Variants in ZMAT4 observed in about 807,000 individuals in gnomAD.
ZMAT4 encodes zinc finger matrin-type protein 4.
A neutral mutation model predicts 28.7 loss-of-function variants in ZMAT4; 17 were observed. The ratio of observed to expected loss-of-function variants is 0.59; its 90% CI spans 0.41 to 0.89. The LOEUF (loss-of-function observed/expected upper bound fraction) is 0.89, where lower values mean the gene tolerates loss of function less well. Ranked by LOEUF, ZMAT4 falls within the 40% of genes least tolerant of loss-of-function variation. The pLI is 0.00. For missense variants in ZMAT4, 240 were observed against 283.8 expected (o/e 0.85, Z 1.11); for synonymous variants, 117 against 109.2 (o/e 1.07, Z -0.44).
At chr8:40,658,349 A>G (rs375861796) in intron 5 of ZMAT4, among the ~76,000 whole-genome samples, 1 of 152,156 alleles carries the variant, frequency 6.6e-6, no homozygotes, top group Non-Finnish European at 1.5e-5. Context: ...CATTGTATAA[A>G]CTTTGGATTC....
intron 4 of ZMAT4, among the ~76,000 whole-genome samples, chr8:40,686,509 C>T (rs1809414188): frequency 6.6e-6 from 1 of 152,046 alleles, no homozygotes; most frequent in Non-Finnish European, 1.5e-5. Flanking sequence ...TGATGCACGT[C>T]TGTAGTCCCT....
intron 1 of ZMAT4, among the ~76,000 whole-genome samples, chr8:40,840,432 C>G (rs887157573): frequency 6.6e-6 from 1 of 152,176 alleles, no homozygotes; most frequent in Admixed American, 6.5e-5. Flanking sequence ...CCACAGATAT[C>G]CCTCCCAAGA....
At chr8:40,776,590 C>T (rs1293345831) in intron 2 of ZMAT4, among the ~76,000 whole-genome samples, 2 of 152,118 alleles carry the variant, frequency 1.3e-5, no homozygotes, top group South Asian at 2.1e-4. Context: ...AGAACACAGG[C>T]TCATCTAGGC....
At chr8:40,533,584 A>T (rs995347902) in intron 6 of ZMAT4, among the ~76,000 whole-genome samples, 5 of 152,242 alleles carry the variant, frequency 3.3e-5, no homozygotes, top group Non-Finnish European at 7.3e-5. Flanking sequence ...TCACCTAGAA[A>T]CACAGAGCAT....
intron 3 of ZMAT4, among the ~76,000 whole-genome samples, chr8:40,701,180 A>G (rs1810128415): frequency 1.3e-5 from 2 of 152,212 alleles, no homozygotes; most frequent in East Asian, 1.9e-4. Flanking sequence ...GGTAGTTTTA[A>G]TATATATTCC....
chr8:40,549,724 CACTA>C (rs545846575), intron 6 of ZMAT4, among the ~76,000 whole-genome samples: 91 of 152,238 alleles, frequency 6.0e-4, no homozygotes, highest in Non-Finnish European at 9.3e-4. Flanking sequence ...CTAATATGTC[CACTA>C]ACTGATTTAT....
intron 3 of ZMAT4, among the ~76,000 whole-genome samples, chr8:40,711,794 C>A (rs973596989): frequency 6.6e-6 from 1 of 152,130 alleles, no homozygotes; most frequent in African/African-American, 2.4e-5. Context: ...ATAGTGGTTA[C>A]TTCTGTGGAA....
In ZMAT4 at chr8:40,542,959, G is replaced by A. The variant is rs149479372; in HGVS notation, c.675-10721C>T. Among the ~76,000 whole-genome samples, 1,301 of 152,298 alleles carry A rather than the reference G, an allele frequency of 8.5e-3. 10 individuals carry two copies. The highest frequency in any genetic ancestry group is 0.014 in the Non-Finnish European group (977 of 68,008). ...GCTGAATGCCTGTGGCCTGGCCAAC[G>A]TCATTGCAGCAGAGATGGGCTCACG... is the stretch of plus-strand genomic sequence containing the variant. On this transcript the variant is annotated intron_variant, in intron 6 of 6. Coordinates refer to ENST00000297737, the MANE Select transcript of ZMAT4 (RefSeq NM_024645.3).
intron 5 of ZMAT4, among the ~76,000 whole-genome samples, chr8:40,657,448 A>C (rs894072090): frequency 7.9e-5 from 12 of 151,284 alleles, no homozygotes; most frequent in Non-Finnish European, 8.8e-5. Context: ...ACTGATTAAC[A>C]GGCTTTTTTT....
At chr8:40,599,577 C>T (rs1805226448) in intron 5 of ZMAT4, among the ~76,000 whole-genome samples, 1 of 152,174 alleles carries the variant, frequency 6.6e-6, no homozygotes, top group Non-Finnish European at 1.5e-5. Flanking sequence ...AATAGAGGAA[C>T]ACATTACCTG....
chr8:40,863,917 C>A (rs993358122), intron 1 of ZMAT4, among the ~76,000 whole-genome samples: 1 of 152,140 alleles, frequency 6.6e-6, no homozygotes, highest in Non-Finnish European at 1.5e-5. Context: ...ATAATTATCA[C>A]ACATTATTTC....
chr8:40,857,866 G>A (rs367886053), intron 1 of ZMAT4, among the ~76,000 whole-genome samples: 30 of 152,194 alleles, frequency 2.0e-4, no homozygotes, highest in African/African-American at 6.7e-4. Context: ...AAATATAAGG[G>A]ACAATCTCAA....
chr8:40,690,778 T>G, intron 4 of ZMAT4: 1 of 443,966 alleles, frequency 2.3e-6, no homozygotes, highest in Non-Finnish European at 3.0e-6. Flanking sequence ...TGGAAATTTA[T>G]GTAAAAGTTC....
At chr8:40,747,924 C>A (rs1423368936) in intron 3 of ZMAT4, among the ~76,000 whole-genome samples, 1 of 152,032 alleles carries the variant, frequency 6.6e-6, no homozygotes, top group Non-Finnish European at 1.5e-5. Context: ...ACCAATGAAA[C>A]AAGATTTTTT....
chr8:40,723,597 A>G (rs1023677289), intron 3 of ZMAT4, among the ~76,000 whole-genome samples: 1 of 151,832 alleles, frequency 6.6e-6, no homozygotes. Context: ...AAAGAAAGCC[A>G]AAAGTTTAAT....
intron 2 of ZMAT4, among the ~76,000 whole-genome samples, chr8:40,812,214 A>C (rs1396714887): frequency 6.6e-6 from 1 of 152,192 alleles, no homozygotes; most frequent in African/African-American, 2.4e-5. Context: ...TGGAAAGAGA[A>C]GGACTGGAGT....
intron 2 of ZMAT4, among the ~76,000 whole-genome samples, chr8:40,795,994 A>T (rs1433235794): frequency 6.6e-6 from 1 of 152,118 alleles, no homozygotes; most frequent in Non-Finnish European, 1.5e-5. Flanking sequence ...TCTCACTCAG[A>T]GTCTTCAATA....
chr8:40,598,465 T>C lies in ZMAT4; in HGVS notation c.578-17204A>G, dbSNP rs541888153. ...CTTATGAGTGAGAACATGTGGTGTT[T>C]GGTCTTCTGTTCCTGTGTTAGTTTG... On this transcript the variant is annotated intron_variant, in intron 5 of 6. Coordinates refer to ENST00000297737, the MANE Select transcript of ZMAT4 (RefSeq NM_024645.3). Among the ~76,000 whole-genome samples, 86 of 152,338 alleles carry C rather than the reference T, an allele frequency of 5.6e-4. 2 individuals carry two copies. Among genetic ancestry groups the C allele is most frequent in the Admixed American group, 5.6e-3 (86 of 15,306 alleles).
intron 3 of ZMAT4, among the ~76,000 whole-genome samples, chr8:40,758,828 C>G: frequency 6.6e-6 from 1 of 152,030 alleles, no homozygotes; most frequent in East Asian, 1.9e-4. Context: ...AGAACTGTCT[C>G]TACTGGTTAA....
Sources: allele counts gnomAD v4.1 joint callset (sites outside exome capture counted in the v4.1 genomes callset), GRCh38; gene constraint gnomAD v4.1.1; transcripts MANE v1.5; gene names NCBI Gene and HGNC (gene_info 2026-07-23, HGNC 2026-07-21).